Variants in OPCML observed in about 807,000 individuals in gnomAD.
OPCML encodes opioid binding protein/cell adhesion molecule like.
In OPCML, 13 loss-of-function variants were observed where a neutral mutation model predicts 37.8. The ratio of observed to expected loss-of-function variants is 0.34; its 90% CI spans 0.22 to 0.55. The LOEUF is 0.55. OPCML is among the 20% of genes least tolerant of loss of function. The probability of loss-of-function intolerance (pLI) is 0.91; values close to 1 mark genes in which losing one functional copy is unlikely to be tolerated. For missense variants in OPCML, 341 were observed against 435.6 expected (o/e 0.78, Z 1.93); for synonymous variants, 176 against 168.8 (o/e 1.04, Z -0.33).
At chr11:133,024,431 A>T (rs749731338) in intron 1 of OPCML, 5 of 984,732 alleles carry the variant, frequency 5.1e-6, no homozygotes, top group Middle Eastern at 5.2e-4. Context: ...TTGTAGGTCA[A>T]GCACACACAG....
At chr11:133,354,068 C>A (rs556031650) in intron 1 of OPCML, among the ~76,000 whole-genome samples, 1 of 152,126 alleles carries the variant, frequency 6.6e-6, no homozygotes, top group East Asian at 1.9e-4. Flanking sequence ...AGCCTAAAAC[C>A]CATTTTTAAG....
intron 3 of OPCML, among the ~76,000 whole-genome samples, chr11:132,547,886 CA>C (rs747629677): frequency 1.9e-4 from 29 of 152,208 alleles, no homozygotes; most frequent in Admixed American, 3.3e-4. Context: ...GAGAGAGACC[CA>C]AAGGAGCTCT....
intron 1 of OPCML, among the ~76,000 whole-genome samples, chr11:133,339,995 G>A (rs1255040338): frequency 6.6e-6 from 1 of 152,176 alleles, no homozygotes; most frequent in Non-Finnish European, 1.5e-5. Context: ...ACACCACACT[G>A]ACTCAAACCA....
intron 1 of OPCML, among the ~76,000 whole-genome samples, chr11:133,312,900 G>C (rs1268910784): frequency 2.0e-5 from 3 of 152,146 alleles, no homozygotes; most frequent in Non-Finnish European, 4.4e-5. Context: ...GATGATTAAA[G>C]GATAGGCGGT....
intron 1 of OPCML, among the ~76,000 whole-genome samples, chr11:133,384,165 C>A (rs1944989327): frequency 6.9e-6 from 1 of 145,710 alleles, no homozygotes; most frequent in African/African-American, 2.6e-5. Context: ...AACAATGTAT[C>A]CAATTTCTGG....
intron 2 of OPCML, among the ~76,000 whole-genome samples, chr11:132,755,025 A>T (rs1271262164): frequency 6.6e-6 from 1 of 152,218 alleles, no homozygotes; most frequent in Non-Finnish European, 1.5e-5. Context: ...AGACAAATGT[A>T]TGTTTAGAAA....
intron 1 of OPCML, among the ~76,000 whole-genome samples, chr11:133,357,107 G>C (rs1944306693): frequency 6.6e-6 from 1 of 152,208 alleles, no homozygotes; most frequent in African/African-American, 2.4e-5. Flanking sequence ...AGTGCTCCTA[G>C]AACCAGCTCA....
rs116134678 is a variant in OPCML at position 133,397,182 on chromosome 11, A to T, written c.61+135082T>A. ...TGAATGTGAGTGGAGAGGGGATAAA[A>T]ATGTAGGCAGTCTTCCCCAGTTGGG... On this transcript the variant is annotated intron_variant, in intron 1 of 7. Coordinates refer to ENST00000524381, the MANE Select transcript of OPCML (RefSeq NM_001012393.5). Among the ~76,000 whole-genome samples the T allele has an allele frequency of 7.1e-3, 1,087 of 152,290 alleles. 12 individuals carry two copies. Among genetic ancestry groups the T allele is most frequent in the African/African-American group, 0.024 (1,017 of 41,558 alleles).
intron 3 of OPCML, among the ~76,000 whole-genome samples, chr11:132,642,423 G>T (rs1206976852): frequency 6.6e-6 from 1 of 151,332 alleles, no homozygotes; most frequent in African/African-American, 2.5e-5. Flanking sequence ...GAGAACAGAG[G>T]TATCACACAT....
chr11:133,086,815 A>G (rs116592460), intron 1 of OPCML, among the ~76,000 whole-genome samples: 1,651 of 152,306 alleles, frequency 0.011, 31 homozygotes, highest in African/African-American at 0.037. Flanking sequence ...GATTCTACAT[A>G]TAAGTAAGAT....
At chr11:133,522,687 G>A (rs556299146) in intron 1 of OPCML, among the ~76,000 whole-genome samples, 5 of 152,242 alleles carry the variant, frequency 3.3e-5, no homozygotes, top group Middle Eastern at 3.4e-3. Context: ...TATGACACGC[G>A]ACAGGTGACG....
In OPCML at chr11:133,000,320, C is replaced by T. The variant is rs143241938; in HGVS notation, c.62-57310G>A. ...TAGAGACGGGGTTTTTCCATGTTGGCCAGGCTGATCTCGAACTCCCGTCCT... is the reference window on the plus strand; with the variant it reads ...TAGAGACGGGGTTTTTCCATGTTGGTCAGGCTGATCTCGAACTCCCGTCCT... On this transcript the variant is annotated intron_variant, in intron 1 of 7. Transcript: ENST00000524381. Among the ~76,000 whole-genome samples the T allele has an allele frequency of 7.7e-3, 1,169 of 152,246 alleles. 16 individuals carry two copies. The highest frequency in any genetic ancestry group is 0.027 in the African/African-American group (1,110 of 41,530).
At chr11:133,331,520 C>T (rs1223560134) in intron 1 of OPCML, among the ~76,000 whole-genome samples, 1 of 152,010 alleles carries the variant, frequency 6.6e-6, no homozygotes, top group Non-Finnish European at 1.5e-5. Context: ...AAAACAAAAA[C>T]AAAAAACACT....
chr11:133,417,719 G>A (rs1258141008), intron 1 of OPCML, among the ~76,000 whole-genome samples: 1 of 150,592 alleles, frequency 6.6e-6, no homozygotes, highest in East Asian at 2.0e-4. Context: ...CCACCTCTGA[G>A]TGAGAACGTC....
At chr11:132,975,617 G>C (rs1243822540) in intron 1 of OPCML, among the ~76,000 whole-genome samples, 2 of 126,604 alleles carry the variant, frequency 1.6e-5, no homozygotes, top group Admixed American at 1.7e-4. Context: ...CTCTTACTAA[G>C]TCCTGTAAAA....
At chr11:132,709,669 TAC>T (rs897853379) in intron 2 of OPCML, among the ~76,000 whole-genome samples, 17 of 152,178 alleles carry the variant, frequency 1.1e-4, no homozygotes, top group Non-Finnish European at 2.1e-4. Flanking sequence ...ACCGTAAAGT[TAC>T]AGTTTTGCCC....
At chr11:132,680,549 C>T (rs1942897807) in intron 2 of OPCML, among the ~76,000 whole-genome samples, 1 of 152,176 alleles carries the variant, frequency 6.6e-6, no homozygotes, top group Non-Finnish European at 1.5e-5. Flanking sequence ...GCCCTGGCTG[C>T]AGGCGCAGTC....
chr11:133,500,821 C>A (rs1196185242), intron 1 of OPCML, among the ~76,000 whole-genome samples: 1 of 152,134 alleles, frequency 6.6e-6, no homozygotes, highest in African/African-American at 2.4e-5. Flanking sequence ...ATTTTGAGAA[C>A]AAACTCAGAG....
At chr11:133,372,974 T>C (rs1239869061) in intron 1 of OPCML, among the ~76,000 whole-genome samples, 1 of 152,246 alleles carries the variant, frequency 6.6e-6, no homozygotes, top group Non-Finnish European at 1.5e-5. Flanking sequence ...TTGTTGTTTT[T>C]CTTTCTGTAT....
Sources: allele counts gnomAD v4.1 joint callset (sites outside exome capture counted in the v4.1 genomes callset), GRCh38; gene constraint gnomAD v4.1.1; transcripts MANE v1.5; gene names NCBI Gene and HGNC (gene_info 2026-07-23, HGNC 2026-07-21).